RBMS2: variants seen among roughly 807,000 people sequenced by gnomAD.
RBMS2 encodes the protein RNA-binding motif, single-stranded-interacting protein 2.
Under a neutral mutation model 58.4 loss-of-function variants are expected in RBMS2, and 38 were observed. That is an observed-to-expected ratio of 0.65 (90% CI 0.50 to 0.85). RBMS2 has a LOEUF of 0.85. Among genes scored for constraint, RBMS2 ranks in the 40% least tolerant of loss-of-function variants. The pLI is 0.00. For synonymous variants in RBMS2, 151 were observed against 180.7 expected (o/e 0.84, Z 1.32); for missense variants, 367 against 503.7 (o/e 0.73, Z 2.60).
At chr12:56,558,590 C>CTTTTTTTT (rs10676323) in intron 1 of RBMS2, among the ~76,000 whole-genome samples, 3 of 92,194 alleles carry the variant, frequency 3.3e-5, no homozygotes, top group African/African-American at 4.2e-5. Flanking sequence ...TTTCTTTTTC[C>CTTTTTTTT]TTTTTTTTTT....
At chr12:56,574,687 T>A (rs548110830) in intron 5 of RBMS2, among the ~76,000 whole-genome samples, 2 of 152,218 alleles carry the variant, frequency 1.3e-5, no homozygotes, top group Admixed American at 1.3e-4. Flanking sequence ...TATGTTTCTA[T>A]GTTAATGTCT....
intron 9 of RBMS2, among the ~76,000 whole-genome samples, 193 bp downstream of exon 9, chr12:56,582,345 T>C (rs1034850738): frequency 1.3e-5 from 2 of 152,198 alleles, no homozygotes; most frequent in African/African-American, 4.8e-5. Context: ...TGGTGTCCTC[T>C]TACTCCCCCT....
intron 4 of RBMS2, among the ~76,000 whole-genome samples, chr12:56,570,997 G>T (rs1342867457): frequency 6.6e-6 from 1 of 152,212 alleles, no homozygotes; most frequent in African/African-American, 2.4e-5. Context: ...GGCAGAAGAG[G>T]ATTAAGGTTG....
intron 1 of RBMS2, among the ~76,000 whole-genome samples, chr12:56,527,097 T>C (rs1052809028): frequency 2.0e-5 from 3 of 152,204 alleles, no homozygotes; most frequent in Non-Finnish European, 2.9e-5. Flanking sequence ...CCTGAGATTG[T>C]CATGAGTGTT....
intron 5 of RBMS2, 93 bp from the exon 6 acceptor site, chr12:56,581,091 G>T (rs1254614756): frequency 1.9e-6 from 2 of 1,036,942 alleles, no homozygotes; most frequent in Non-Finnish European, 3.0e-6. Context: ...AGCAGTTGTG[G>T]GGCTGGGAAC....
At chr12:56,560,225 T>C (rs1172756979) in intron 1 of RBMS2, among the ~76,000 whole-genome samples, 1 of 150,016 alleles carries the variant, frequency 6.7e-6, no homozygotes, top group Non-Finnish European at 1.5e-5. Context: ...CTGCGTTTTA[T>C]CTTTATGAAA....
intron 1 of RBMS2, among the ~76,000 whole-genome samples, chr12:56,554,449 A>G (rs1878869166): frequency 6.6e-6 from 1 of 152,206 alleles, no homozygotes; most frequent in African/African-American, 2.4e-5. Flanking sequence ...ACATGGATGG[A>G]GCTGGAAGCC....
At chr12:56,567,444 GAAGAAGAAGA>G in intron 2 of RBMS2, among the ~76,000 whole-genome samples, 1 of 151,192 alleles carries the variant, frequency 6.6e-6, no homozygotes, top group Admixed American at 6.6e-5. Flanking sequence ...AGGAGAGGAA[GAAGAAGAAGA>G]AAGAAGAAGA....
intron 1 of RBMS2, among the ~76,000 whole-genome samples, chr12:56,555,183 C>T (rs915790940): frequency 2.6e-5 from 4 of 151,848 alleles, no homozygotes; most frequent in African/African-American, 9.7e-5. Context: ...CAGAAAGTTA[C>T]TTTTGTTTAA....
In RBMS2 at chr12:56,587,677, A is replaced by G. The variant is rs367904583; in HGVS notation, c.1062+13A>G. On this transcript the variant is annotated intron_variant, in intron 11 of 13. Coordinates refer to ENST00000262031, the MANE Select transcript of RBMS2 (RefSeq NM_002898.4). The stretch of plus-strand genomic sequence containing the variant: ...CAGCACAGGCACGGTAAAGCAGGAT[A>G]TTTCTGATTGTAAACTCTCCTACTG... 615 of 1,611,138 alleles carry G rather than the reference A, an allele frequency of 3.8e-4. 3 individuals carry two copies. The highest frequency in any genetic ancestry group is 4.9e-4 in the Non-Finnish European group (574 of 1,177,998).
At chr12:56,555,933 C>G (rs1384439068) in intron 1 of RBMS2, among the ~76,000 whole-genome samples, 1 of 151,846 alleles carries the variant, frequency 6.6e-6, no homozygotes, top group Non-Finnish European at 1.5e-5. Flanking sequence ...TTAGTCCTAG[C>G]TACTTGGGAG....
chr12:56,589,237 G>T lies in RBMS2; in HGVS notation c.*104G>T, dbSNP rs753823224. 2 of 1,483,134 alleles carry T rather than the reference G, an allele frequency of 1.3e-6. No homozygotes were observed. The highest frequency in any genetic ancestry group is 5.5e-5 in the East Asian group (2 of 36,320). The allele number at this position is 1,483,134 out of a possible 1,614,324, so 91.9% of individuals were successfully genotyped here. On this transcript the variant is annotated 3_prime_UTR_variant, in exon 14 of 14. Transcript: ENST00000262031. The stretch of plus-strand genomic sequence containing the variant: ...TAACCAGGAATGGAGACCATCCGTC[G>T]GCCCTGCTAAGGACTAACACTTAGC...
rs565729074 is a variant in RBMS2, at chr12:56,535,570, G to A, written c.66+13481G>A. The stretch of plus-strand genomic sequence containing the variant: ...ACCCGTATGACGGAACTCTCAACTT[G>A]GACTGGAACTCTCAACTTGGACTGC... On this transcript the variant is annotated intron_variant, in intron 1 of 13. Transcript: ENST00000262031. Among the ~76,000 whole-genome samples, 6 of 151,566 alleles carry A rather than the reference G, an allele frequency of 4.0e-5. 1 individual carries two copies. In the East Asian group the frequency reaches 1.2e-3, roughly 29 times the overall value.
chr12:56,589,161 T>G lies in RBMS2; in HGVS notation c.*28T>G. ...TTAGGATTCCCCTCCCCATCTTTACTGAATAGAAATGAATTCTTGGAGATA... is the reference window on the plus strand; with the variant it reads ...TTAGGATTCCCCTCCCCATCTTTACGGAATAGAAATGAATTCTTGGAGATA... On this transcript the variant is annotated 3_prime_UTR_variant, in exon 14 of 14. Coordinates refer to ENST00000262031, the MANE Select transcript of RBMS2 (RefSeq NM_002898.4). 1.3e-6 allele frequency: 2 copies of G among 1,542,590 alleles called. No individual in the cohort carries two copies. Among genetic ancestry groups the G allele is most frequent in the East Asian group, 2.5e-5 (1 of 40,356 alleles).
chr12:56,548,803 C>T (rs1041584611), intron 1 of RBMS2, among the ~76,000 whole-genome samples: 13 of 152,060 alleles, frequency 8.5e-5, no homozygotes, highest in African/African-American at 3.1e-4. Context: ...AACAAATATC[C>T]ATGCCTATTA....
At chr12:56,557,347 C>G (rs1469434073) in intron 1 of RBMS2, among the ~76,000 whole-genome samples, 1 of 152,110 alleles carries the variant, frequency 6.6e-6, no homozygotes, top group Non-Finnish European at 1.5e-5. Flanking sequence ...CATTTCTCCC[C>G]CCTTGTATTC....
intron 5 of RBMS2, among the ~76,000 whole-genome samples, chr12:56,576,887 A>G (rs1277929646): frequency 1.3e-5 from 2 of 151,614 alleles, no homozygotes; most frequent in African/African-American, 2.4e-5. Context: ...CTAAAAATAT[A>G]AAAATTAGCT....
At chr12:56,581,375 C>T (rs1336129044) in intron 6 of RBMS2, 24 bp from the exon 7 acceptor site, 1 of 1,611,606 alleles carries the variant, frequency 6.2e-7, no homozygotes, top group Non-Finnish European at 8.5e-7. Context: ...GACTCAGCTG[C>T]CCATCTGCCT....
chr12:56,573,121 A>G (rs148175758), intron 5 of RBMS2: 3 of 974,682 alleles, frequency 3.1e-6, no homozygotes, highest in Admixed American at 6.7e-5. Flanking sequence ...TTTTTGCTTT[A>G]TATCTTGTCT....
Sources: allele counts gnomAD v4.1 joint callset (sites outside exome capture counted in the v4.1 genomes callset), GRCh38; gene constraint gnomAD v4.1.1; transcripts MANE v1.5; gene names NCBI Gene and HGNC (gene_info 2026-07-23, HGNC 2026-07-21).